Variants in TCF7L1 observed in about 807,000 individuals in gnomAD.
The protein encoded by TCF7L1 is transcription factor 7-like 1.
A neutral mutation model predicts 63.7 loss-of-function variants in TCF7L1; 18 were observed. The observed-to-expected ratio is 0.28, with a 90% confidence interval of 0.20 to 0.42. TCF7L1 has a LOEUF of 0.42. TCF7L1 is among the 10% of genes least tolerant of loss of function. The pLI is 1.00. For missense variants in TCF7L1, 654 were observed against 779.3 expected (o/e 0.84, Z 1.91); for synonymous variants, 355 against 340.9 (o/e 1.04, Z -0.46).
intron 3 of TCF7L1, among the ~76,000 whole-genome samples, chr2:85,261,173 G>T (rs200826886): frequency 1.1e-4 from 13 of 123,538 alleles, no homozygotes; most frequent in Non-Finnish European, 1.8e-4. Context: ...TGTGTGTGTG[G>T]TATTTCATAG....
chr2:85,308,064 C>T (rs4641936), intron 11 of TCF7L1, among the ~76,000 whole-genome samples: 6,043 of 152,240 alleles, frequency 0.04, 148 homozygotes, highest in East Asian at 0.069. Context: ...ACATGAGCCC[C>T]TGACATCCCA....
intron 3 of TCF7L1, among the ~76,000 whole-genome samples, chr2:85,221,141 T>C (rs1014316031): frequency 4.6e-5 from 7 of 152,210 alleles, no homozygotes; most frequent in Non-Finnish European, 8.8e-5. Flanking sequence ...GAATATATTA[T>C]ATTTATTAAA....
At chr2:85,268,845 T>G (rs1328756018) in intron 3 of TCF7L1, among the ~76,000 whole-genome samples, 1 of 151,182 alleles carries the variant, frequency 6.6e-6, no homozygotes, top group Non-Finnish European at 1.5e-5. Flanking sequence ...AGCCTGGCTG[T>G]GAGCTGGAAA....
intron 3 of TCF7L1, among the ~76,000 whole-genome samples, chr2:85,220,361 AAT>A (rs979946762): frequency 6.6e-6 from 1 of 151,170 alleles, no homozygotes; most frequent in East Asian, 1.9e-4. Context: ...CTTAAAAAAA[AAT>A]ATATATATAT....
intron 7 of TCF7L1, 117 bp from the exon 8 acceptor site, chr2:85,305,143 A>T: frequency 7.2e-7 from 1 of 1,383,004 alleles, no homozygotes; most frequent in Non-Finnish European, 1.0e-6. Context: ...TAGTCCTGAG[A>T]CTCTGCCCCA....
chr2:85,296,422 C>T (rs2104382181), intron 4 of TCF7L1, among the ~76,000 whole-genome samples: 1 of 152,318 alleles, frequency 6.6e-6, no homozygotes, highest in South Asian at 2.1e-4. Flanking sequence ...TCCTCGTTAC[C>T]TCATTTCAGG....
intron 3 of TCF7L1, among the ~76,000 whole-genome samples, chr2:85,209,774 C>A (rs1679503311): frequency 6.6e-6 from 1 of 152,076 alleles, no homozygotes; most frequent in Admixed American, 6.5e-5. Flanking sequence ...TGCACAGAAA[C>A]CCACCGAGGC....
At chr2:85,154,370 A>C (rs533249453) in intron 3 of TCF7L1, among the ~76,000 whole-genome samples, 41 of 152,332 alleles carry the variant, frequency 2.7e-4, no homozygotes, top group African/African-American at 9.6e-4. Context: ...TACTTCCCAG[A>C]GTAACATCCT....
chr2:85,184,593 G>T (rs187868373), intron 3 of TCF7L1, among the ~76,000 whole-genome samples: 4 of 152,218 alleles, frequency 2.6e-5, no homozygotes, highest in Admixed American at 6.5e-5. Context: ...CAGGTGGAAG[G>T]CCAGATTCCT....
intron 3 of TCF7L1, among the ~76,000 whole-genome samples, chr2:85,171,403 C>T (rs140355425): frequency 1.9e-4 from 29 of 152,288 alleles, no homozygotes; most frequent in African/African-American, 2.9e-4. Context: ...CTGTAATTTC[C>T]GCTCCAGATA....
chr2:85,304,180 C>G (rs1210506216), intron 6 of TCF7L1, 75 bp from the exon 7 acceptor site: 2 of 1,462,310 alleles, frequency 1.4e-6, no homozygotes, highest in Non-Finnish European at 1.9e-6. Flanking sequence ...ATTTCTCATC[C>G]CTTCTTCCCA....
At chr2:85,276,858 A>G (rs564027170) in intron 3 of TCF7L1, among the ~76,000 whole-genome samples, 1 of 152,184 alleles carries the variant, frequency 6.6e-6, no homozygotes, top group South Asian at 2.1e-4. Context: ...GGTGAGTGCT[A>G]TGGAAACACC....
intron 3 of TCF7L1, among the ~76,000 whole-genome samples, chr2:85,188,466 AAAGTT>A (rs1678978162): frequency 6.6e-6 from 1 of 152,232 alleles, no homozygotes; most frequent in Non-Finnish European, 1.5e-5. Context: ...TTTGAAATAA[AAAGTT>A]AAAACAATAT....
chr2:85,286,642 T>C (rs944752995), intron 4 of TCF7L1, among the ~76,000 whole-genome samples: 4 of 152,112 alleles, frequency 2.6e-5, no homozygotes, highest in African/African-American at 4.8e-5. Context: ...ATTACAGGCA[T>C]GTGCCACTAT....
At chr2:85,180,959 C>T (rs985440480) in intron 3 of TCF7L1, among the ~76,000 whole-genome samples, 8 of 152,208 alleles carry the variant, frequency 5.3e-5, no homozygotes, top group Non-Finnish European at 8.8e-5. Context: ...CCCTAACAGA[C>T]GGTGGCCTTC....
chr2:85,134,213 G>A lies in TCF7L1; in HGVS notation c.314-110G>A. 2 of 1,481,072 alleles carry A rather than the reference G, an allele frequency of 1.4e-6. No homozygotes were observed. The highest frequency in any genetic ancestry group is 1.8e-6 in the Non-Finnish European group (2 of 1,113,808). The allele number at this position is 1,481,072 out of a possible 1,614,324, so 91.7% of individuals were successfully genotyped here. ...CGCCTTTATTGGCGGCAGCCCCCGTGGGGCGCGCGTGGGGGGCGCTGGGGT... is the reference window on the plus strand; with the variant it reads ...CGCCTTTATTGGCGGCAGCCCCCGTAGGGCGCGCGTGGGGGGCGCTGGGGT... On this transcript the variant is annotated intron_variant, in intron 2 of 11. Coordinates refer to ENST00000282111, the MANE Select transcript of TCF7L1 (RefSeq NM_031283.3). The surrounding 1 kb of genome is among the most constrained non-coding windows in gnomAD (Gnocchi z 5.0).
intron 11 of TCF7L1, 73 bp from the exon 12 acceptor site, chr2:85,308,956 G>A (rs921561760): frequency 1.6e-5 from 24 of 1,489,702 alleles, no homozygotes; most frequent in African/African-American, 1.3e-4. Flanking sequence ...CACATGTATC[G>A]CCAGGGCTGT....
chr2:85,285,395 G>T (rs1681521962), intron 4 of TCF7L1, among the ~76,000 whole-genome samples: 1 of 152,170 alleles, frequency 6.6e-6, no homozygotes, highest in Non-Finnish European at 1.5e-5. Flanking sequence ...GTTTACAGTG[G>T]GATCTACAGT....
chr2:85,216,831 A>G (rs1679722960), intron 3 of TCF7L1, among the ~76,000 whole-genome samples: 1 of 152,182 alleles, frequency 6.6e-6, no homozygotes, highest in Non-Finnish European at 1.5e-5. Context: ...ATAAAATGTC[A>G]CCTGAAATAC....
Sources: gnomAD v4.1 joint callset for allele counts (sites outside exome capture counted in the v4.1 genomes callset) on GRCh38, gnomAD v4.1.1 for gene constraint, Gnocchi (gnomAD v3.1) non-coding constraint, MANE v1.5 for transcripts, NCBI Gene and HGNC (gene_info 2026-07-23, HGNC 2026-07-21) for gene names.